MNAT1: variants seen among roughly 807,000 people sequenced by gnomAD.
MNAT1 encodes the protein MNAT1 component of CDK activating kinase, also known as CDK-activating kinase assembly factor MAT1.
Under a neutral mutation model 42.0 loss-of-function variants are expected in MNAT1, and 43 were observed. The observed-to-expected ratio is 1.02, with a 90% CI of 0.80 to 1.32. The LOEUF is 1.32. Ranked by LOEUF, MNAT1 falls within the 40% of genes most tolerant of loss-of-function variation. The pLI is 0.00. For synonymous variants in MNAT1, 118 were observed against 120.0 expected (o/e 0.98, Z 0.11); for missense variants, 306 against 350.4 (o/e 0.87, Z 1.01).
chr14:60,791,332 A>C (rs4151199), intron 1 of MNAT1, among the ~76,000 whole-genome samples: 1 of 152,074 alleles, frequency 6.6e-6, no homozygotes, highest in Non-Finnish European at 1.5e-5. Context: ...AAAGTCTACT[A>C]TCTCTTCATA....
At chr14:60,849,183 C>G (rs993962987) in intron 6 of MNAT1, among the ~76,000 whole-genome samples, 10 of 152,198 alleles carry the variant, frequency 6.6e-5, no homozygotes, top group African/African-American at 2.4e-4. Flanking sequence ...TTGAGAATCA[C>G]TGACTTACAT....
chr14:60,735,119 A>G (rs1456197136), intron 1 of MNAT1, among the ~76,000 whole-genome samples, 168 bp downstream of exon 1: 1 of 152,076 alleles, frequency 6.6e-6, no homozygotes, highest in Non-Finnish European at 1.5e-5. Context: ...TGTAGCCGCT[A>G]GCCCCGAGCG....
At chr14:60,901,101 T>G (rs977788030) in intron 7 of MNAT1, among the ~76,000 whole-genome samples, 2 of 144,006 alleles carry the variant, frequency 1.4e-5, no homozygotes, top group African/African-American at 5.2e-5. Flanking sequence ...TAGGAGCAAA[T>G]GCAGCTGGTG....
rs570014625 is a variant in MNAT1, at chr14:60,785,637, G to C, written c.90-10580G>C. Among the ~76,000 whole-genome samples the C allele has an allele frequency of 3.3e-5, 5 of 152,268 alleles. No individual in the cohort carries two copies. The East Asian group carries it at 9.6e-4, about 29-fold the overall frequency. ...CTGGAATTTTCTGTTGTTGAGGTAGGAGATGATAGTTTATTCTCACACATC... is the reference window on the plus strand; with the variant it reads ...CTGGAATTTTCTGTTGTTGAGGTAGCAGATGATAGTTTATTCTCACACATC... On this transcript the variant is annotated intron_variant, in intron 1 of 7. Transcript: ENST00000261245.
At chr14:60,945,377 A>G (rs2036251316) in intron 7 of MNAT1, among the ~76,000 whole-genome samples, 1 of 152,038 alleles carries the variant, frequency 6.6e-6, no homozygotes, top group Admixed American at 6.6e-5. Context: ...GAGCATCTTT[A>G]TATAAAGGAA....
chr14:60,892,583 T>C (rs892040615), intron 7 of MNAT1, among the ~76,000 whole-genome samples: 3 of 152,140 alleles, frequency 2.0e-5, no homozygotes, highest in Admixed American at 6.6e-5. Context: ...GAGGGTTTAA[T>C]TAAGCCACAT....
intron 1 of MNAT1, chr14:60,753,963 C>CA (rs2030216806): frequency 1.3e-5 from 2 of 151,918 alleles, no homozygotes; most frequent in African/African-American, 4.8e-5. Context: ...TGTTCTTGGG[C>CA]AACTTGCTGT....
intron 7 of MNAT1, among the ~76,000 whole-genome samples, chr14:60,910,075 T>C (rs2035312582): frequency 6.6e-6 from 1 of 152,214 alleles, no homozygotes; most frequent in Non-Finnish European, 1.5e-5. Flanking sequence ...TATTTTATTC[T>C]CTTTGAAGCA....
chr14:60,804,599 C>T lies in MNAT1; in HGVS notation c.317-3726C>T, dbSNP rs555971477. On this transcript the variant is annotated intron_variant, in intron 3 of 7. Transcript: ENST00000261245. ...AAAGTGCAGTGGTACTATCATAGCT[C>T]GCTGTAGCTTGAAACTCCTGGGCTC... 1.1e-4 allele frequency among the ~76,000 whole-genome samples: 16 copies of T among 152,214 alleles called. 1 individual carries two copies. The highest frequency in any genetic ancestry group is 2.9e-4 in the African/African-American group (12 of 41,522).
intron 6 of MNAT1, among the ~76,000 whole-genome samples, chr14:60,837,079 G>A (rs891417060): frequency 6.6e-6 from 1 of 152,174 alleles, no homozygotes; most frequent in African/African-American, 2.4e-5. Context: ...CCCCCACCAA[G>A]CTCAAGTGTC....
chr14:60,946,839 C>A (rs916660070), intron 7 of MNAT1, among the ~76,000 whole-genome samples: 14 of 152,228 alleles, frequency 9.2e-5, no homozygotes, highest in African/African-American at 2.2e-4. Context: ...CTGCTATAAC[C>A]AAATACCACA....
At chr14:60,817,635 T>A (rs1194986237) in intron 5 of MNAT1, among the ~76,000 whole-genome samples, 1 of 151,986 alleles carries the variant, frequency 6.6e-6, no homozygotes, top group Non-Finnish European at 1.5e-5. Context: ...TTAACCACAT[T>A]TGTGCCTAAA....
At chr14:60,967,142 C>T (rs2036696851) in intron 7 of MNAT1, among the ~76,000 whole-genome samples, 1 of 152,128 alleles carries the variant, frequency 6.6e-6, no homozygotes, top group Non-Finnish European at 1.5e-5. Flanking sequence ...TACCTTGACC[C>T]ATTTTTTCTA....
intron 3 of MNAT1, among the ~76,000 whole-genome samples, chr14:60,803,986 GT>G (rs1042480530): frequency 3.3e-5 from 5 of 152,062 alleles, no homozygotes; most frequent in Non-Finnish European, 7.4e-5. Flanking sequence ...TATCTCAAAG[GT>G]TTATTCTTAG....
At chr14:60,829,378 C>T (rs1278175335) in intron 6 of MNAT1, among the ~76,000 whole-genome samples, 1 of 152,026 alleles carries the variant, frequency 6.6e-6, no homozygotes, top group Non-Finnish European at 1.5e-5. Context: ...GGTAACAATT[C>T]AATTGTTCTA....
intron 6 of MNAT1, among the ~76,000 whole-genome samples, chr14:60,842,257 A>G (rs2033571738): frequency 2.6e-5 from 4 of 152,320 alleles, no homozygotes; most frequent in South Asian, 4.1e-4. Flanking sequence ...CCTTACAGAA[A>G]ATATTTGTTA....
intron 7 of MNAT1, among the ~76,000 whole-genome samples, chr14:60,959,920 G>GTTT (rs11359127): frequency 7.5e-5 from 7 of 93,182 alleles, no homozygotes; most frequent in African/African-American, 2.6e-4. Context: ...TGGTTTTTAT[G>GTTT]TTTTTTTTTT....
intron 7 of MNAT1, among the ~76,000 whole-genome samples, chr14:60,906,236 G>T (rs1268489748): frequency 6.6e-6 from 1 of 152,170 alleles, no homozygotes; most frequent in African/African-American, 2.4e-5. Flanking sequence ...GAGGTAGCAG[G>T]TTTTTATGTA....
At chr14:60,942,938 A>G (rs145944430) in intron 7 of MNAT1, among the ~76,000 whole-genome samples, 29 of 149,052 alleles carry the variant, frequency 1.9e-4, no homozygotes, top group Admixed American at 6.7e-4. Flanking sequence ...TGGGCTGATA[A>G]TCTCTTAGTT....
Sources: allele counts gnomAD v4.1 joint callset (sites outside exome capture counted in the v4.1 genomes callset), GRCh38; gene constraint gnomAD v4.1.1; transcripts MANE v1.5; gene names NCBI Gene and HGNC (gene_info 2026-07-23, HGNC 2026-07-21).